OSCP1: variants seen among roughly 807,000 people sequenced by gnomAD.
The protein encoded by OSCP1 is organic solute carrier partner 1.
A neutral mutation model predicts 45.1 loss-of-function variants in OSCP1; 35 were observed. The observed-to-expected ratio is 0.78, with a 90% confidence interval of 0.59 to 1.03. The LOEUF (loss-of-function observed/expected upper bound fraction) is 1.03. Ranked by LOEUF, OSCP1 falls within the 50% of genes least tolerant of loss-of-function variation. The pLI is 0.00. For synonymous variants in OSCP1, 179 were observed against 180.1 expected (o/e 0.99, Z 0.05); for missense variants, 400 against 470.7 (o/e 0.85, Z 1.39).
chr1:36,442,675 G>C (rs1649274874), intron 1 of OSCP1, among the ~76,000 whole-genome samples: 1 of 152,190 alleles, frequency 6.6e-6, no homozygotes, highest in South Asian at 2.1e-4. Context: ...AATTTAGAGA[G>C]AGGCTAGGAA....
intron 4 of OSCP1, among the ~76,000 whole-genome samples, chr1:36,429,597 T>C (rs1490493050): frequency 7.0e-6 from 1 of 142,218 alleles, no homozygotes; most frequent in East Asian, 2.1e-4. Flanking sequence ...GTCTGAATCA[T>C]GGATCCACCA....
At chr1:36,418,736 G>A (rs555657143) in intron 9 of OSCP1, among the ~76,000 whole-genome samples, 1 of 149,818 alleles carries the variant, frequency 6.7e-6, no homozygotes, top group East Asian at 2.0e-4. Flanking sequence ...GGCCAACTTG[G>A]TGAAATCCCA....
Position 36,438,882 on chromosome 1 carries a change from G to T in OSCP1, c.141C>A (p.Phe47Leu). The stretch of plus-strand genomic sequence containing the variant: ...ATAATTCCTCCATAAACTTTCTATT[G>T]AACATGGTGGAGATGATGTCATTCA... The part of the protein sequence containing the change: ...KVLNDIISTM[F>L]NRKFMEELFK... The change falls in exon 2 of 10, where the codon TTC becomes TTA. Residue 47 changes from phenylalanine to leucine, a missense_variant. Phe to Leu is a conservative substitution (Grantham distance 22). Transcript: ENST00000235532. 8 of 1,614,122 alleles carry T rather than the reference G, an allele frequency of 5.0e-6. No homozygotes were observed. The highest frequency in any genetic ancestry group is 1.1e-5 in the South Asian group (1 of 91,058).
chr1:36,439,009 A>G (rs1648952737), intron 1 of OSCP1, 99 bp from the exon 2 acceptor site: 1 of 1,343,512 alleles, frequency 7.4e-7, no homozygotes, highest in African/African-American at 1.5e-5. Flanking sequence ...CGTGTACAGT[A>G]CAGAATTGGG....
At chr1:36,419,344 CAA>C (rs1202778781) in intron 8 of OSCP1, 5 of 446,926 alleles carry the variant, frequency 1.1e-5, no homozygotes, top group Admixed American at 1.1e-4. Flanking sequence ...TCTGCCAGTG[CAA>C]AGTCAGTCAC....
Position 36,422,185 on chromosome 1 carries a change from A to G in OSCP1, c.784T>C (p.Ser262Pro). The change falls in exon 7 of 10, where the codon TCT (serine) becomes CCT (proline). Residue 262 changes from serine to proline, a missense_variant. Coordinates refer to ENST00000235532, the MANE Select transcript of OSCP1 (RefSeq NM_145047.5). ...SVNQPVETHV[S>P]GSSKNLASWT... ...GAGGCTAAGTTCTTTGATGATCCAG[A>G]CACATGAGTTTCCACAGGCTGATTC... is the stretch of plus-strand genomic sequence containing the variant. 6.2e-7 allele frequency: 1 copy of G among 1,614,202 alleles called. No homozygotes were observed. Among genetic ancestry groups the G allele is most frequent in the Non-Finnish European group, 8.5e-7 (1 of 1,180,028 alleles).
chr1:36,435,613 G>A (rs1341169425), intron 2 of OSCP1, among the ~76,000 whole-genome samples: 1 of 151,980 alleles, frequency 6.6e-6, no homozygotes, highest in Admixed American at 6.6e-5. Flanking sequence ...GAAAATGAAG[G>A]CTCAGAGAGT....
intron 1 of OSCP1, chr1:36,440,783 A>G (rs2124806553): frequency 6.6e-6 from 1 of 152,316 alleles, no homozygotes; most frequent in East Asian, 1.9e-4. Context: ...ATAAGTCCTC[A>G]AAAGAGAGAA....
chr1:36,443,003 G>T (rs757506443), intron 1 of OSCP1, among the ~76,000 whole-genome samples: 6 of 151,948 alleles, frequency 3.9e-5, no homozygotes, highest in Admixed American at 6.6e-5. Context: ...TCGCTCTGTC[G>T]CCCAGGCTGG....
rs71053929 is a variant in OSCP1, at chr1:36,427,299, C to CT, written c.517-3834dup. Among the ~76,000 whole-genome samples the CT allele has an allele frequency of 2.8e-3, 270 of 96,300 alleles. 18 individuals are homozygous for CT. Among genetic ancestry groups the CT allele is most frequent in the Middle Eastern group, 9.6e-3 (1 of 104 alleles). 63.2% of individuals were successfully genotyped at this position (96,300 alleles called of 152,430 possible). ...ACAGGCGTGAGCCATGGCGCCTGGC[C>CT]TTTTTTTTTTTTTTTGACACAGAGT... is the stretch of plus-strand genomic sequence containing the variant. On this transcript the variant is annotated intron_variant, in intron 4 of 9. Transcript: ENST00000235532.
chr1:36,423,371 T>A lies in OSCP1; in HGVS notation c.612A>T (p.Gly204=). 6.2e-7 allele frequency: 1 copy of A among 1,607,042 alleles called. No individual in the cohort carries two copies. Among genetic ancestry groups the A allele is most frequent in the Non-Finnish European group, 8.5e-7 (1 of 1,173,688 alleles). ...CATTGTTGGGAATTCACCTGATGAG[T>A]CCTGGAACTTCAGTTCCCCAAGGAA... ...GPVPWGTEVP[G]LIRMFNNKGE... is the part of the protein sequence containing the mutation. The change falls in exon 5 of 10, where the codon GGA becomes GGT. Residue 204 remains glycine (G), a synonymous_variant. Transcript: ENST00000235532.
rs945681038 is a variant in OSCP1, at chr1:36,447,272, T to C, written c.112+2986A>G. ...GTTGAATCCTATGCTCTCTACCCTG[T>C]TTTCTCACTCTATCTTCTACAGATC... On this transcript the variant is annotated intron_variant, in intron 1 of 9. Coordinates refer to ENST00000235532, the MANE Select transcript of OSCP1 (RefSeq NM_145047.5). This position sits in a 1 kb window ranked among gnomAD's most constrained non-coding sequence, Gnocchi z 4.1. 5.9e-5 allele frequency among the ~76,000 whole-genome samples: 9 copies of C among 152,186 alleles called. No individual in the cohort carries two copies. The highest frequency in any genetic ancestry group is 1.4e-4 in the African/African-American group (6 of 41,440).
chr1:36,445,428 G>A (rs1273284279), intron 1 of OSCP1, among the ~76,000 whole-genome samples: 1 of 152,204 alleles, frequency 6.6e-6, no homozygotes, highest in Non-Finnish European at 1.5e-5. Context: ...TGTGGTATTA[G>A]GGGTGATTTC....
intron 2 of OSCP1, among the ~76,000 whole-genome samples, chr1:36,438,456 C>T (rs1384875203): frequency 6.6e-6 from 1 of 152,032 alleles, no homozygotes; most frequent in Non-Finnish European, 1.5e-5. Flanking sequence ...TACCACTGCA[C>T]TCCAGCCTGG....
Position 36,420,491 on chromosome 1 carries a change from G to A in OSCP1, c.944C>T (p.Thr315Ile), listed in dbSNP as rs1458987459. Residue 315 changes from threonine to isoleucine, a missense_variant, in exon 8 of 10, where the codon ACC becomes ATC. Physicochemically the swap from Thr to Ile is moderately conservative, Grantham distance 89. Transcript: ENST00000235532. ...EPGFRLNLFT[T>I]DEEEEQAALT... ...TAAAACATACTCCTCTTCTTCATCGGTGGTAAAGAGATTCAACCGGAATCC... is the reference window on the plus strand; with the variant it reads ...TAAAACATACTCCTCTTCTTCATCGATGGTAAAGAGATTCAACCGGAATCC... 1.9e-6 allele frequency: 3 copies of A among 1,613,784 alleles called. No individual in the cohort carries two copies. The highest frequency in any genetic ancestry group is 1.3e-5 in the African/African-American group (1 of 74,858).
rs538777900 is a variant in OSCP1 at position 36,428,666 on chromosome 1, T to A, written c.516+3136A>T. ...TAATTAAAAATTGTTTTATTTTGGC[T>A]GGGCATGGTGGCTCATGCCTGTAAT... is the stretch of plus-strand genomic sequence containing the variant. On this transcript the variant is annotated intron_variant, in intron 4 of 9. Transcript: ENST00000235532. Among the ~76,000 whole-genome samples, 4 of 152,290 alleles carry A rather than the reference T, an allele frequency of 2.6e-5. No homozygotes were observed. The South Asian group carries it at 8.3e-4, about 32-fold the overall frequency.
At chr1:36,423,026 A>T in intron 5 of OSCP1, 130 bp from the exon 6 acceptor site, 1 of 296,008 alleles carries the variant, frequency 3.4e-6, no homozygotes, top group Non-Finnish European at 5.5e-6. Context: ...GCTGGTTGTA[A>T]TAATAATAAT....
chr1:36,417,943 T>C lies in OSCP1; in HGVS notation c.*196A>G. The C allele has an allele frequency of 2.1e-6, 1 of 477,576 alleles. No homozygotes were observed. The allele number at this position is 477,576 out of a possible 1,614,324, so 29.6% of individuals were successfully genotyped here. ...GTCAGAATATATTTCACTGAAAATA[T>C]GTGTATGTGTGTGCCTTCAAGAGTG... On this transcript the variant is annotated 3_prime_UTR_variant, in exon 10 of 10. Coordinates refer to ENST00000235532, the MANE Select transcript of OSCP1 (RefSeq NM_145047.5).
chr1:36,422,232 C>T lies in OSCP1; in HGVS notation c.750-13G>A. ...ATTCACGCTGTACCTGGTGTGTCAA[C>T]AGAAAATGGTGACATTATCCAGCCC... On this transcript the variant is annotated splice_polypyrimidine_tract_variant and intron_variant, in intron 6 of 9. Coordinates refer to ENST00000235532, the MANE Select transcript of OSCP1 (RefSeq NM_145047.5). The T allele has an allele frequency of 3.1e-6, 5 of 1,612,810 alleles. No homozygotes were observed. Among genetic ancestry groups the T allele is most frequent in the Non-Finnish European group, 4.2e-6 (5 of 1,178,784 alleles).
Sources: allele counts gnomAD v4.1 joint callset (sites outside exome capture counted in the v4.1 genomes callset), GRCh38; gene constraint gnomAD v4.1.1; non-coding constraint Gnocchi (gnomAD v3.1); transcripts MANE v1.5; gene names NCBI Gene and HGNC (gene_info 2026-07-23, HGNC 2026-07-21).